Variants in PCDH11X observed in about 807,000 individuals in gnomAD.
PCDH11X encodes protocadherin 11 X-linked.
In PCDH11X, 18 loss-of-function variants were observed where a neutral mutation model predicts 53.3. The observed-to-expected ratio is 0.34, with a 90% CI of 0.23 to 0.50. PCDH11X has a LOEUF of 0.50. Among genes scored for constraint, PCDH11X ranks in the 20% least tolerant of loss-of-function variants. PCDH11X has a pLI of 0.98. For synonymous variants in PCDH11X, 279 were observed against 393.3 expected (o/e 0.71, Z 3.44); for missense variants, 570 against 1,032.4 (o/e 0.55, Z 6.14).
intron 7 of PCDH11X, among the ~76,000 whole-genome samples, chrX:92,235,986 A>G (rs1488033298): frequency 9.0e-6 from 1 of 111,478 alleles, no homozygotes; most frequent in African/African-American, 3.2e-5. Flanking sequence ...CATTACCACA[A>G]ACTGACATTT....
At chrX:92,025,341 T>G (rs1289901226) in intron 6 of PCDH11X, among the ~76,000 whole-genome samples, 1 of 99,698 alleles carries the variant, frequency 1.0e-5, no homozygotes, top group Non-Finnish European at 2.0e-5. Context: ...TGCAAGGAAC[T>G]CACACATATT....
intron 10 of PCDH11X, among the ~76,000 whole-genome samples, chrX:92,614,102 T>C (rs770587567): frequency 9.0e-6 from 1 of 110,728 alleles, no homozygotes; most frequent in South Asian, 3.8e-4. Flanking sequence ...TGAGCTTCCT[T>C]GAAATCCATG....
At chrX:92,384,328 A>G (rs1321779218) in intron 8 of PCDH11X, among the ~76,000 whole-genome samples, 1 of 110,477 alleles carries the variant, frequency 9.1e-6, no homozygotes, top group Non-Finnish European at 1.9e-5. Flanking sequence ...TTTATATATT[A>G]TGAATTTCTA....
intron 6 of PCDH11X, among the ~76,000 whole-genome samples, chrX:92,128,572 A>T (rs1328762549): frequency 1.8e-5 from 2 of 108,698 alleles, no homozygotes; most frequent in African/African-American, 6.7e-5. Flanking sequence ...TAATTTTGGT[A>T]ATTTTAGTAG....
At chrX:92,396,842 CTCA>C (rs2071259069) in intron 9 of PCDH11X, among the ~76,000 whole-genome samples, 1 of 23,253 alleles carries the variant, frequency 4.3e-5, no homozygotes, top group Non-Finnish European at 7.1e-5. Context: ...GGGACTCTGT[CTCA>C]AAAAAAAAAA....
chrX:92,134,067 T>C (rs1485323882), intron 6 of PCDH11X, among the ~76,000 whole-genome samples: 1 of 111,640 alleles, frequency 9.0e-6, no homozygotes, highest in Non-Finnish European at 1.9e-5. Flanking sequence ...TTGCATTCTT[T>C]TGAGTTTCTG....
chrX:91,825,440 A>G (rs1001778653), intron 4 of PCDH11X, among the ~76,000 whole-genome samples: 27 of 111,932 alleles, frequency 2.4e-4, no homozygotes, highest in Non-Finnish European at 3.8e-4. Context: ...CCGATTTTCC[A>G]GGTGCCGTCC....
At chrX:91,903,790 GA>G (rs1367638757) in intron 6 of PCDH11X, among the ~76,000 whole-genome samples, 1 of 109,809 alleles carries the variant, frequency 9.1e-6, no homozygotes, top group Non-Finnish European at 1.9e-5. Flanking sequence ...TTTAAAGTAG[GA>G]AAATCAGCTA....
At chrX:92,099,057 G>A (rs1219891162) in intron 6 of PCDH11X, among the ~76,000 whole-genome samples, 1 of 111,992 alleles carries the variant, frequency 8.9e-6, no homozygotes, top group African/African-American at 3.3e-5. Flanking sequence ...CAAAGTATAG[G>A]CTAGTAACTC....
chrX:91,807,332 G>A (rs965254115), intron 1 of PCDH11X, among the ~76,000 whole-genome samples: 7 of 110,674 alleles, frequency 6.3e-5, no homozygotes, highest in African/African-American at 2.0e-4. Context: ...GTGACAAAGC[G>A]AAAACCGTGT....
At chrX:92,331,288 C>A (rs1486146015) in intron 8 of PCDH11X, among the ~76,000 whole-genome samples, 1 of 81,097 alleles carries the variant, frequency 1.2e-5, no homozygotes, top group Non-Finnish European at 2.3e-5. Flanking sequence ...CTTTCTTCTT[C>A]TTCTTCTTCT....
chrX:92,001,759 C>T (rs1018277600), intron 6 of PCDH11X, among the ~76,000 whole-genome samples: 4 of 111,409 alleles, frequency 3.6e-5, no homozygotes, highest in East Asian at 2.8e-4. Flanking sequence ...TGAGCCACCA[C>T]GCCCAGCCCT....
At chrX:92,135,352 C>T (rs937312286) in intron 6 of PCDH11X, among the ~76,000 whole-genome samples, 2 of 111,284 alleles carry the variant, frequency 1.8e-5, no homozygotes, top group Non-Finnish European at 3.8e-5. Context: ...GATAGTGTAA[C>T]GAAGTCCATT....
intron 6 of PCDH11X, among the ~76,000 whole-genome samples, chrX:92,172,514 C>T (rs1019299346): frequency 9.2e-6 from 1 of 108,804 alleles, no homozygotes; most frequent in South Asian, 4.0e-4. Flanking sequence ...CTCAGCCTAC[C>T]GAGTAACTGG....
chrX:91,864,999 A>G (rs1021790144), intron 5 of PCDH11X, among the ~76,000 whole-genome samples: 11 of 111,581 alleles, frequency 9.9e-5, no homozygotes, highest in African/African-American at 3.6e-4. Flanking sequence ...ATCTCTGTTT[A>G]TCTAGGCTTT....
chrX:92,527,965 TG>T (rs2074486503), intron 10 of PCDH11X, among the ~76,000 whole-genome samples: 1 of 111,700 alleles, frequency 9.0e-6, no homozygotes, highest in Non-Finnish European at 1.9e-5. Flanking sequence ...ATCTGACATA[TG>T]TCAAGATAGC....
chrX:92,327,273 G>A (rs1358385750), intron 8 of PCDH11X, among the ~76,000 whole-genome samples: 5 of 102,557 alleles, frequency 4.9e-5, no homozygotes, highest in Non-Finnish European at 7.9e-5. Context: ...AAGATTGAAT[G>A]TGTATTTCTT....
chrX:92,197,680 C>G (rs913807085), intron 6 of PCDH11X, among the ~76,000 whole-genome samples: 1 of 111,481 alleles, frequency 9.0e-6, no homozygotes, highest in Non-Finnish European at 1.9e-5. Flanking sequence ...TTGAGGAGAC[C>G]TTTTTGGCCC....
rs760832570 is a variant in PCDH11X at position 92,570,795 on chromosome X, G to A, written c.3368-47469G>A. ...TCATAATCTAAATCTATCTTCTCAA[G>A]TCCAATTATTTTTGATGAATATATT... On this transcript the variant is annotated intron_variant, in intron 10 of 10. Transcript: ENST00000682573. Among the ~76,000 whole-genome samples the A allele has an allele frequency of 5.5e-3, 560 of 102,615 alleles. 5 individuals carry two copies. Among genetic ancestry groups the A allele is most frequent in the African/African-American group, 0.019 (529 of 28,141 alleles). 89.1% of individuals were successfully genotyped at this position (102,615 alleles called of 115,157 possible). A position where few individuals can be genotyped will look rare whatever the true frequency, so the allele number is the denominator to read the frequency against.
Sources: gnomAD v4.1 joint callset for allele counts (sites outside exome capture counted in the v4.1 genomes callset) on GRCh38, gnomAD v4.1.1 for gene constraint, MANE v1.5 for transcripts, NCBI Gene and HGNC (gene_info 2026-07-23, HGNC 2026-07-21) for gene names.